Variants in SCN1A observed in about 807,000 individuals in gnomAD.
The protein encoded by SCN1A is sodium channel protein type 1 subunit alpha.
Under a neutral mutation model 193.7 loss-of-function variants are expected in SCN1A, and 13 were observed. The observed-to-expected ratio is 0.07, with a 90% CI of 0.04 to 0.11. The LOEUF is 0.11. Ranked by LOEUF, SCN1A falls within the 10% of genes least tolerant of loss-of-function variation. The pLI, the probability that SCN1A is intolerant of heterozygous loss-of-function variation, is 1.00. For synonymous variants in SCN1A, 781 were observed against 843.6 expected (o/e 0.93, Z 1.29); for missense variants, 1,432 against 2,451.1 (o/e 0.58, Z 8.78).
chr2:166,094,705 C>T (rs1337505626), intron 2 of SCN1A, among the ~76,000 whole-genome samples: 1 of 152,164 alleles, frequency 6.6e-6, no homozygotes, highest in Admixed American at 6.5e-5. Context: ...AATTTAACAA[C>T]AACAAAAGAT....
At position 165,986,960 on chromosome 2, in the gene SCN1A, A is replaced by G. The variant is rs1033265692; in HGVS notation, c.*4285T>C. On this transcript the variant is annotated 3_prime_UTR_variant, in exon 29 of 29. Transcript: ENST00000674923. ...AAATTAACACTATTATAATACTAATAACTAATAAACAGTCCATATTCAAAT... is the reference window on the plus strand; with the variant it reads ...AAATTAACACTATTATAATACTAATGACTAATAAACAGTCCATATTCAAAT... 6.6e-6 allele frequency: 1 copy of G among 152,142 alleles called. No individual in the cohort carries two copies. Among genetic ancestry groups the G allele is most frequent in the Admixed American group, 6.5e-5 (1 of 15,268 alleles). The allele number at this position is 152,142 out of a possible 1,614,324, so 9.4% of individuals were successfully genotyped here. A position where few individuals can be genotyped will look rare whatever the true frequency, so the allele number is the denominator to read the frequency against.
rs115179254 is a variant in SCN1A, at chr2:166,102,944, A to C, written c.-142+23980T>G. On this transcript the variant is annotated intron_variant, in intron 2 of 28. Coordinates refer to ENST00000674923, the MANE Select transcript of SCN1A (RefSeq NM_001165963.4). ...AAATACCATTCAACAAAGTTTCAGT[A>C]ATATTCGAGCTATTTTGTGGATAAT... Among the ~76,000 whole-genome samples the C allele has an allele frequency of 3.6e-3, 555 of 152,240 alleles. 6 individuals are homozygous for C. The highest frequency in any genetic ancestry group is 0.013 in the African/African-American group (522 of 41,532).
intron 8 of SCN1A, among the ~76,000 whole-genome samples, chr2:166,052,629 A>G (rs1309949972): frequency 6.8e-6 from 1 of 148,076 alleles, no homozygotes; most frequent in Non-Finnish European, 1.5e-5. Flanking sequence ...AAAAAAACCC[A>G]TGATATTTGT....
At chr2:166,049,779 T>A (rs1698319524) in intron 9 of SCN1A, among the ~76,000 whole-genome samples, 1 of 151,984 alleles carries the variant, frequency 6.6e-6, no homozygotes, top group Admixed American at 6.6e-5. Flanking sequence ...ACTACTATAT[T>A]GTAATTATTT....
At chr2:166,106,717 G>C (rs1321017870) in intron 2 of SCN1A, among the ~76,000 whole-genome samples, 1 of 152,160 alleles carries the variant, frequency 6.6e-6, no homozygotes, top group Non-Finnish European at 1.5e-5. Flanking sequence ...AACACCACCA[G>C]ATGTCATTAC....
At chr2:166,023,906 G>A (rs1416703552) in intron 19 of SCN1A, among the ~76,000 whole-genome samples, 2 of 151,784 alleles carry the variant, frequency 1.3e-5, no homozygotes, top group Admixed American at 6.6e-5. Context: ...CTCCCAAGTA[G>A]CTGGGATTAC....
At chr2:166,133,020 C>T (rs916206210), upstream of SCN1A, among the ~76,000 whole-genome samples, 1 of 152,050 alleles carries the variant, frequency 6.6e-6, no homozygotes, top group African/African-American at 2.4e-5. Context: ...GCACACATTA[C>T]ACTATTTAAA....
intron 18 of SCN1A, among the ~76,000 whole-genome samples, chr2:166,036,775 G>C (rs1696441002): frequency 6.6e-6 from 1 of 152,188 alleles, no homozygotes; most frequent in Admixed American, 6.5e-5. Context: ...AAGTGAAATT[G>C]AATGAGCTAA....
chr2:166,041,131 A>G (rs748759005), intron 16 of SCN1A, 100 bp downstream of exon 16: 153 of 951,012 alleles, frequency 1.6e-4, no homozygotes, highest in Non-Finnish European at 2.4e-4. Context: ...GCCAGGAAGC[A>G]TGAAGGATGG....
intron 2 of SCN1A, among the ~76,000 whole-genome samples, chr2:166,120,067 A>G (rs2106240628): frequency 6.6e-6 from 1 of 152,014 alleles, no homozygotes; most frequent in South Asian, 2.1e-4. Flanking sequence ...TCATCATTTT[A>G]TTAATTTATA....
At chr2:166,101,799 G>A (rs1001151491) in intron 2 of SCN1A, among the ~76,000 whole-genome samples, 2 of 152,044 alleles carry the variant, frequency 1.3e-5, no homozygotes, top group Non-Finnish European at 2.9e-5. Flanking sequence ...GAAATACCTC[G>A]ATTAAGGCCT....
chr2:166,040,170 G>A (rs1962842), intron 16 of SCN1A, among the ~76,000 whole-genome samples: 112,154 of 151,976 alleles, frequency 0.74, 41,764 homozygotes, highest in East Asian at 0.89. Context: ...CGTCCGCCTC[G>A]GCCTCCCAAA....
intron 6 of SCN1A, 122 bp downstream of exon 6, chr2:166,056,289 C>T (rs940747917): frequency 1.3e-5 from 9 of 694,828 alleles, no homozygotes; most frequent in East Asian, 5.4e-5. Context: ...CCTCTTGCTG[C>T]GTAATTTTGT....
Position 166,045,217 on chromosome 2 carries a change from T to A in SCN1A, c.1488A>T (p.Glu496Asp), listed in dbSNP as rs745956066. 1 of 1,614,198 alleles carries A rather than the reference T, an allele frequency of 6.2e-7. No homozygotes were observed. The highest frequency in any genetic ancestry group is 1.7e-5 in the Admixed American group (1 of 60,022). Reference sequence around the variant, plus strand: ...TTCTTTTCTTCCTCCGATTTCTTCTTTCCTTAGCACTCTTGGAACTCAACT... The same window carrying A: ...TTCTTTTCTTCCTCCGATTTCTTCTATCCTTAGCACTCTTGGAACTCAACT... ...ASKLSSKSAK[E>D]RRNRRKKRKQ... is the part of the protein sequence containing the mutation. The change falls in exon 13 of 29, where the codon GAA becomes GAT. Residue 496 changes from glutamate (E) to aspartate (D), a missense_variant. Transcript: ENST00000674923.
At chr2:166,030,387 A>C (rs1208404274) in intron 19 of SCN1A, among the ~76,000 whole-genome samples, 3 of 121,034 alleles carry the variant, frequency 2.5e-5, no homozygotes, top group Non-Finnish European at 3.4e-5. Flanking sequence ...AATAGCTGTT[A>C]TTAACATAAC....
At chr2:166,015,093 A>T (rs992234664) in intron 20 of SCN1A, among the ~76,000 whole-genome samples, 1 of 151,884 alleles carries the variant, frequency 6.6e-6, no homozygotes, top group Non-Finnish European at 1.5e-5. Flanking sequence ...TAGGAAAAAC[A>T]TATCTCTTCT....
rs1016552709 is a variant in SCN1A at position 166,073,979 on chromosome 2, G to A, written c.-49-309C>T. On this transcript the variant is annotated intron_variant, in intron 3 of 28. Transcript: ENST00000674923. The stretch of plus-strand genomic sequence containing the variant: ...CACTATATCACTAATGAGTTATTCA[G>A]TCTGTGACACACCCAGAAGATGGAG... Among the ~76,000 whole-genome samples, 78 of 152,180 alleles carry A rather than the reference G, an allele frequency of 5.1e-4. 4 individuals carry two copies. The highest frequency in any genetic ancestry group is 2.9e-5 in the Non-Finnish European group (2 of 68,026).
intron 4 of SCN1A, among the ~76,000 whole-genome samples, chr2:166,068,883 A>G (rs1254546475): frequency 6.6e-6 from 1 of 152,214 alleles, no homozygotes. Context: ...GTCTCATTCT[A>G]TTTCCAGTAA....
At chr2:166,022,061 AAAAT>A (rs1488874901) in intron 19 of SCN1A, among the ~76,000 whole-genome samples, 1 of 152,190 alleles carries the variant, frequency 6.6e-6, no homozygotes, top group Non-Finnish European at 1.5e-5. Flanking sequence ...TCCCATTTCT[AAAAT>A]AAATAAATAC....
Sources: allele counts gnomAD v4.1 joint callset (sites outside exome capture counted in the v4.1 genomes callset), GRCh38; gene constraint gnomAD v4.1.1; transcripts MANE v1.5; gene names NCBI Gene and HGNC (gene_info 2026-07-23, HGNC 2026-07-21).